Variants in C12orf42 observed in about 807,000 individuals in gnomAD.
C12orf42 encodes chromosome 12 open reading frame 42.
In C12orf42, 25 loss-of-function variants were observed where a neutral mutation model predicts 21.6. The ratio of observed to expected loss-of-function variants is 1.16; its 90% CI spans 0.84 to 1.62. The LOEUF (loss-of-function observed/expected upper bound fraction) is 1.62. C12orf42 is among the 40% of genes most tolerant of loss of function. C12orf42 has a pLI of 0.00. For synonymous variants in C12orf42, 174 were observed against 175.0 expected, an observed-to-expected ratio of 0.99 and a Z score of 0.05; for missense variants, 483 against 459.3, an observed-to-expected ratio of 1.05 and a Z score of -0.47.
In C12orf42 at chr12:103,238,823, G is replaced by C. The variant is rs376628269; in HGVS notation, c.*1367-921C>G. 3.3e-5 allele frequency among the ~76,000 whole-genome samples: 5 copies of C among 152,194 alleles called. No individual in the cohort carries two copies. The South Asian group carries it at 8.3e-4, about 25-fold the overall frequency. On this transcript the variant is annotated intron_variant and NMD_transcript_variant, in intron 10 of 10. Transcript: ENST00000547347. Reference sequence around the variant, plus strand: ...AAAGACTAAAGGAAGAGGGACCAGGGAACAGCCAGCGACGTGGTCTGAATC... The same window carrying C: ...AAAGACTAAAGGAAGAGGGACCAGGCAACAGCCAGCGACGTGGTCTGAATC...
At chr12:103,284,325 T>C (rs2036308423) in intron 4 of C12orf42, among the ~76,000 whole-genome samples, 1 of 152,142 alleles carries the variant, frequency 6.6e-6, no homozygotes. Flanking sequence ...GGACAAATTG[T>C]TGGGGAAAAA....
At chr12:103,266,380 T>A (rs2035171964), downstream of C12orf42, among the ~76,000 whole-genome samples, 1 of 152,140 alleles carries the variant, frequency 6.6e-6, no homozygotes, top group Admixed American at 6.6e-5. Context: ...TAGGAAAATG[T>A]GTATAAACTC....
At chr12:103,508,917 C>A in the C12orf42 span, among the ~76,000 whole-genome samples, 1 of 152,096 alleles carries the variant, frequency 6.6e-6, no homozygotes, top group Non-Finnish European at 1.5e-5. Flanking sequence ...TGCTTATAAG[C>A]CAGGTAGGTA....
the C12orf42 span, among the ~76,000 whole-genome samples, chr12:103,119,593 C>T: frequency 3.9e-5 from 6 of 152,208 alleles, no homozygotes; most frequent in South Asian, 4.2e-4. Flanking sequence ...ATCATTGTGC[C>T]GCGTCTGTCT....
chr12:103,270,216 G>T (rs2035379930), intron 5 of C12orf42: 1 of 152,052 alleles, frequency 6.6e-6, no homozygotes, highest in Non-Finnish European at 1.5e-5. Context: ...AAAAGGAGGG[G>T]GGTAAGGCTG....
At chr12:103,373,326 G>C (rs1396145183) in intron 3 of C12orf42, among the ~76,000 whole-genome samples, 1 of 152,166 alleles carries the variant, frequency 6.6e-6, no homozygotes, top group Non-Finnish European at 1.5e-5. Context: ...ATCGGCTGTA[G>C]ATTGCAAATA....
chr12:103,320,999 A>C (rs537155112), intron 4 of C12orf42, among the ~76,000 whole-genome samples: 5 of 152,372 alleles, frequency 3.3e-5, no homozygotes, highest in African/African-American at 1.2e-4. Flanking sequence ...AGTGTTCTAT[A>C]GTTGTTACAC....
At chr12:103,420,040 T>C (rs188397147) in intron 2 of C12orf42, among the ~76,000 whole-genome samples, 151 of 152,348 alleles carry the variant, frequency 9.9e-4, no homozygotes, top group African/African-American at 3.5e-3. Flanking sequence ...ACAGATATCA[T>C]ATAAAATTGC....
the C12orf42 span, among the ~76,000 whole-genome samples, chr12:103,507,672 T>C: frequency 7.4e-5 from 11 of 149,224 alleles, no homozygotes; most frequent in Non-Finnish European, 1.5e-4. Flanking sequence ...AGTAAGACCT[T>C]GTCTCCAAAA....
chr12:103,232,545 C>G, the C12orf42 span, among the ~76,000 whole-genome samples: 1 of 152,038 alleles, frequency 6.6e-6, no homozygotes, highest in East Asian at 1.9e-4. Flanking sequence ...CCCATGTCTA[C>G]TAAAAATACA....
At chr12:103,102,152 G>T in the C12orf42 span, among the ~76,000 whole-genome samples, 3 of 152,246 alleles carry the variant, frequency 2.0e-5, no homozygotes, top group African/African-American at 4.8e-5. Context: ...TTGCAAAGAA[G>T]CATGTTCACA....
At chr12:103,121,213 G>C in the C12orf42 span, among the ~76,000 whole-genome samples, 1 of 152,100 alleles carries the variant, frequency 6.6e-6, no homozygotes, top group Non-Finnish European at 1.5e-5. Context: ...AAAATCAATG[G>C]ATCTTCAAAG....
intron 2 of C12orf42, among the ~76,000 whole-genome samples, chr12:103,436,578 C>CA (rs1215467417): frequency 2.5e-4 from 37 of 148,524 alleles, no homozygotes; most frequent in African/African-American, 8.4e-4. Flanking sequence ...AAATGGAAAA[C>CA]AAAAAAAGGC....
chr12:103,440,152 G>A (rs1347953006), intron 2 of C12orf42, among the ~76,000 whole-genome samples: 11 of 142,724 alleles, frequency 7.7e-5, no homozygotes, highest in Admixed American at 3.6e-4. Flanking sequence ...GTAAACTATC[G>A]CAAGAACAAA....
intron 2 of C12orf42, among the ~76,000 whole-genome samples, chr12:103,470,729 G>C (rs1319879439): frequency 6.6e-6 from 1 of 152,116 alleles, no homozygotes; most frequent in Non-Finnish European, 1.5e-5. Context: ...GCCAACCTGT[G>C]AGAAGCACCA....
chr12:103,441,994 ATTAGCTAGGC>A, intron 2 of C12orf42, among the ~76,000 whole-genome samples: 1 of 152,000 alleles, frequency 6.6e-6, no homozygotes, highest in Non-Finnish European at 1.5e-5. Context: ...AAATTTAAAA[ATTAGCTAGGC>A]TTGGTGGTGT....
chr12:103,133,761 G>A, the C12orf42 span, among the ~76,000 whole-genome samples: 1 of 152,176 alleles, frequency 6.6e-6, no homozygotes, highest in Non-Finnish European at 1.5e-5. Context: ...TGTGGTGGAA[G>A]GGATGCTGTG....
the C12orf42 span, among the ~76,000 whole-genome samples, chr12:103,525,288 C>T: frequency 6.6e-6 from 1 of 152,138 alleles, no homozygotes; most frequent in African/African-American, 2.4e-5. Flanking sequence ...CCTGTGCCTC[C>T]CAAAGTAGTA....
intron 2 of C12orf42, among the ~76,000 whole-genome samples, chr12:103,464,946 C>T (rs1953002609): frequency 6.6e-6 from 1 of 152,138 alleles, no homozygotes; most frequent in African/African-American, 2.4e-5. Flanking sequence ...TGTGCCAGTA[C>T]CATGCTGTTT....
Sources: allele counts gnomAD v4.1 joint callset (sites outside exome capture counted in the v4.1 genomes callset), GRCh38; gene constraint gnomAD v4.1.1; transcripts MANE v1.5; gene names NCBI Gene and HGNC (gene_info 2026-07-23, HGNC 2026-07-21).